Variants in DCP1A observed in about 807,000 individuals in gnomAD.
DCP1A encodes decapping mRNA 1A, also known as mRNA-decapping enzyme 1A.
DCP1A carries 20 observed loss-of-function variants against 58.0 expected under a neutral mutation model. The ratio of observed to expected loss-of-function variants is 0.34; its 90% CI spans 0.24 to 0.50. The LOEUF is 0.50. Ranked by LOEUF, DCP1A falls within the 20% of genes least tolerant of loss-of-function variation. The pLI is 0.98. For missense variants in DCP1A, 613 were observed against 712.2 expected (o/e 0.86, Z 1.59); for synonymous variants, 285 against 275.1 (o/e 1.04, Z -0.36).
intron 2 of DCP1A, 142 bp from the exon 3 acceptor site, chr3:53,342,413 A>G (rs1285172097): frequency 1.5e-6 from 1 of 670,326 alleles, no homozygotes; most frequent in African/African-American, 1.8e-5. Context: ...TCTGTAAACA[A>G]AAAATTTAAG....
chr3:53,298,123 C>G (rs1345332044), intron 6 of DCP1A, among the ~76,000 whole-genome samples: 1 of 152,164 alleles, frequency 6.6e-6, no homozygotes, highest in Non-Finnish European at 1.5e-5. Context: ...GAGGCTGAGG[C>G]AGGAGGATTG....
Position 53,292,628 on chromosome 3 carries a change from C to T in DCP1A, c.824G>A (p.Gly275Asp). ...TGAATGGTGGGCAGCAGAAGGGACA[C>T]CCAGGGTTTCTGATTGAGGGGCTCC... is the stretch of plus-strand genomic sequence containing the variant. ...LGGAPQSETLGVPSAAHHSVQ... is the reference protein window; with the variant it reads ...LGGAPQSETLDVPSAAHHSVQ... Residue 275 changes from glycine to aspartate, a missense_variant, in exon 7 of 10, where the codon GGT (glycine) becomes GAT (aspartate). Gly to Asp is a moderately conservative substitution (Grantham distance 94, BLOSUM62 -1). Coordinates refer to ENST00000610213, the MANE Select transcript of DCP1A (RefSeq NM_018403.7). 1.9e-6 allele frequency: 3 copies of T among 1,613,598 alleles called. No individual in the cohort carries two copies. Among genetic ancestry groups the T allele is most frequent in the Middle Eastern group, 1.6e-4 (1 of 6,062 alleles).
chr3:53,317,371 G>A (rs972636672), intron 4 of DCP1A, among the ~76,000 whole-genome samples: 4 of 152,136 alleles, frequency 2.6e-5, no homozygotes, highest in Admixed American at 6.5e-5. Context: ...CTCCATGTTG[G>A]TCAGGCTGGT....
chr3:53,286,544 G>C lies in DCP1A; in HGVS notation c.*1036C>G, dbSNP rs1286394221. ...GGCCGGGAAAGTACTCACAGCCTAG[G>C]AATACATTGGTAGAGTTCGGAATCA... On this transcript the variant is annotated 3_prime_UTR_variant, in exon 10 of 10. Coordinates refer to ENST00000610213, the MANE Select transcript of DCP1A (RefSeq NM_018403.7). The C allele has an allele frequency of 6.6e-6, 1 of 152,176 alleles. No homozygotes were observed. Among genetic ancestry groups the C allele is most frequent in the Non-Finnish European group, 1.5e-5 (1 of 68,036 alleles). 9.4% of individuals were successfully genotyped at this position (152,176 alleles called of 1,614,324 possible). A position where few individuals can be genotyped will look rare whatever the true frequency, so the allele number is the denominator to read the frequency against.
chr3:53,287,915 A>T, intron 9 of DCP1A, 150 bp downstream of exon 9: 1 of 791,042 alleles, frequency 1.3e-6, no homozygotes, highest in Non-Finnish European at 2.0e-6. Context: ...TTGGCCTCCC[A>T]TAGTGCTGGG....
chr3:53,325,881 ATGT>A (rs2106864724), intron 3 of DCP1A, among the ~76,000 whole-genome samples: 1 of 152,350 alleles, frequency 6.6e-6, no homozygotes, highest in South Asian at 2.1e-4. Flanking sequence ...GGTAGATGAG[ATGT>A]TGTATATCCG....
In DCP1A at chr3:53,333,285, C is replaced by T. The variant is rs113281561; in HGVS notation, c.304+8859G>A. On this transcript the variant is annotated intron_variant, in intron 3 of 9. Transcript: ENST00000610213. ...CCTCCTGAGTAGCTGGGATTACAGG[C>T]GCCTGCCACCATGCCTGGCTAATTT... Among the ~76,000 whole-genome samples, 823 of 151,868 alleles carry T rather than the reference C, an allele frequency of 5.4e-3. 10 individuals are homozygous for T. Among genetic ancestry groups the T allele is most frequent in the African/African-American group, 0.018 (757 of 41,444 alleles).
At chr3:53,330,826 T>TA (rs201457735) in intron 3 of DCP1A, among the ~76,000 whole-genome samples, 27,220 of 87,684 alleles carry the variant, frequency 0.31, 2,781 homozygotes, top group Non-Finnish European at 0.35. Flanking sequence ...TATATATATA[T>TA]TTTTTTTTTT....
chr3:53,332,650 G>T (rs1210602853), intron 3 of DCP1A, among the ~76,000 whole-genome samples: 1 of 152,068 alleles, frequency 6.6e-6, no homozygotes, highest in African/African-American at 2.4e-5. Flanking sequence ...GGATCATGAG[G>T]TCAGGAGATC....
intron 6 of DCP1A, among the ~76,000 whole-genome samples, chr3:53,301,772 T>C (rs1707319707): frequency 6.6e-6 from 1 of 152,110 alleles, no homozygotes; most frequent in African/African-American, 2.4e-5. Context: ...ATACTCTCAG[T>C]AATAAAAGGA....
At chr3:53,288,853 C>G (rs532407049) in intron 8 of DCP1A, among the ~76,000 whole-genome samples, 22 of 152,056 alleles carry the variant, frequency 1.4e-4, no homozygotes, top group Non-Finnish European at 2.4e-4. Flanking sequence ...CCCGTCTGTA[C>G]TAAAAATACA....
At chr3:53,326,564 G>A (rs797043990) in intron 3 of DCP1A, among the ~76,000 whole-genome samples, 14 of 152,332 alleles carry the variant, frequency 9.2e-5, no homozygotes, top group African/African-American at 3.1e-4. Flanking sequence ...CCTGAGCTCT[G>A]CTTCTTGTCA....
chr3:53,336,428 C>T (rs2089117132), intron 3 of DCP1A, among the ~76,000 whole-genome samples: 1 of 152,096 alleles, frequency 6.6e-6, no homozygotes, highest in Non-Finnish European at 1.5e-5. Flanking sequence ...TTCACATTTG[C>T]TGTTCTTTTT....
At chr3:53,301,349 G>T (rs1442876574) in intron 6 of DCP1A, among the ~76,000 whole-genome samples, 1 of 151,766 alleles carries the variant, frequency 6.6e-6, no homozygotes, top group Non-Finnish European at 1.5e-5. Context: ...TCAGCTCACT[G>T]CAACCTTTGC....
At chr3:53,309,694 G>C (rs1553688444) in intron 5 of DCP1A, among the ~76,000 whole-genome samples, 1 of 152,246 alleles carries the variant, frequency 6.6e-6, no homozygotes, top group African/African-American at 2.4e-5. Context: ...GAGCCTGGGA[G>C]GTAGAGGCTG....
At chr3:53,326,692 T>TTC (rs1394895467) in intron 3 of DCP1A, among the ~76,000 whole-genome samples, 1 of 152,200 alleles carries the variant, frequency 6.6e-6, no homozygotes, top group African/African-American at 2.4e-5. Context: ...TGTCATTGTC[T>TTC]TCCATCACCT....
At chr3:53,293,125 G>A (rs1575594196) in intron 6 of DCP1A, among the ~76,000 whole-genome samples, 1 of 152,172 alleles carries the variant, frequency 6.6e-6, no homozygotes, top group East Asian at 1.9e-4. Context: ...ATTGCCTCAT[G>A]TCAACAACAC....
At chr3:53,334,079 T>C (rs979260666) in intron 3 of DCP1A, among the ~76,000 whole-genome samples, 10 of 152,046 alleles carry the variant, frequency 6.6e-5, no homozygotes, top group African/African-American at 9.7e-5. Context: ...CTGGACAATA[T>C]AGAGAGACCT....
intron 3 of DCP1A, among the ~76,000 whole-genome samples, chr3:53,332,857 C>CAAA (rs782238241): frequency 2.9e-4 from 39 of 133,026 alleles, no homozygotes; most frequent in African/African-American, 1.0e-3. Context: ...GACTCCGTTT[C>CAAA]AAAAAAAAAA....
Sources: gnomAD v4.1 joint callset for allele counts (sites outside exome capture counted in the v4.1 genomes callset) on GRCh38, gnomAD v4.1.1 for gene constraint, MANE v1.5 for transcripts, NCBI Gene and HGNC (gene_info 2026-07-23, HGNC 2026-07-21) for gene names.